The following PTPRD variants were observed in gnomAD, a reference collection of about 807,000 sequenced individuals.
PTPRD encodes the protein protein tyrosine phosphatase receptor type D, also known as receptor-type tyrosine-protein phosphatase delta.
Under a neutral mutation model 214.5 loss-of-function variants are expected in PTPRD, and 34 were observed. That is an observed-to-expected ratio of 0.16 (90% confidence interval 0.12 to 0.21). The LOEUF is 0.21. Among genes scored for constraint, PTPRD ranks in the 10% least tolerant of loss-of-function variants. The pLI, the probability that PTPRD is intolerant of heterozygous loss-of-function variation, is 1.00. For synonymous variants in PTPRD, 1,128 were observed against 845.7 expected, an observed-to-expected ratio of 1.33 and a Z score of -5.79; for missense variants, 2,545 against 2,398.7, an observed-to-expected ratio of 1.06 and a Z score of -1.27.
At chr9:10,310,511 T>C (rs1479263700) in intron 3 of PTPRD, among the ~76,000 whole-genome samples, 3 of 151,798 alleles carry the variant, frequency 2.0e-5, no homozygotes, top group Non-Finnish European at 2.9e-5. Context: ...AGGAAAGAGG[T>C]TGATGAGGAA....
chr9:9,482,022 C>G (rs1456285334), intron 8 of PTPRD, among the ~76,000 whole-genome samples: 1 of 152,084 alleles, frequency 6.6e-6, no homozygotes, highest in Non-Finnish European at 1.5e-5. Context: ...ATGTTCTTAA[C>G]AGTCTCTGGG....
At chr9:10,461,490 C>T (rs1041888301) in intron 2 of PTPRD, among the ~76,000 whole-genome samples, 12 of 151,904 alleles carry the variant, frequency 7.9e-5, no homozygotes, top group Non-Finnish European at 1.6e-4. Context: ...AGTTTATGAA[C>T]ATTATTCAGC....
intron 7 of PTPRD, among the ~76,000 whole-genome samples, chr9:9,684,799 G>A (rs1239909465): frequency 1.3e-5 from 2 of 151,490 alleles, no homozygotes; most frequent in African/African-American, 4.8e-5. Context: ...GGTCTTTAGA[G>A]CAGTGCAAAT....
intron 4 of PTPRD, among the ~76,000 whole-genome samples, chr9:9,941,633 A>G (rs1159438860): frequency 6.6e-6 from 1 of 152,112 alleles, no homozygotes; most frequent in Non-Finnish European, 1.5e-5. Context: ...AAATGTGTAT[A>G]TCTATAATAA....
chr9:8,411,856 C>T (rs1465315547), intron 35 of PTPRD, among the ~76,000 whole-genome samples: 1 of 151,928 alleles, frequency 6.6e-6, no homozygotes, highest in Admixed American at 6.6e-5. Flanking sequence ...AGTTGATGTT[C>T]TTAAGAATAG....
intron 2 of PTPRD, among the ~76,000 whole-genome samples, chr9:10,364,194 G>C (rs765067117): frequency 6.6e-6 from 1 of 151,454 alleles, no homozygotes; most frequent in Non-Finnish European, 1.5e-5. Flanking sequence ...GTAGAGATAG[G>C]GTTTCACCGC....
At chr9:8,849,442 G>A (rs535702489) in intron 11 of PTPRD, among the ~76,000 whole-genome samples, 2 of 152,072 alleles carry the variant, frequency 1.3e-5, no homozygotes, top group South Asian at 2.1e-4. Flanking sequence ...TAGCCAGAAT[G>A]GTCTCGATCT....
intron 3 of PTPRD, among the ~76,000 whole-genome samples, chr9:10,266,822 A>G (rs909893158): frequency 6.6e-6 from 1 of 152,190 alleles, no homozygotes; most frequent in Non-Finnish European, 1.5e-5. Flanking sequence ...AAAGCCCATT[A>G]AGAACATTCT....
At chr9:8,401,413 A>G (rs1338261885) in intron 36 of PTPRD, among the ~76,000 whole-genome samples, 1 of 152,202 alleles carries the variant, frequency 6.6e-6, no homozygotes, top group Non-Finnish European at 1.5e-5. Flanking sequence ...TTCTCTTAAG[A>G]ACTGCTTAAA....
Position 10,348,476 on chromosome 9 carries a change from C to T in PTPRD, c.-599-7459G>A, listed in dbSNP as rs143763253. Among the ~76,000 whole-genome samples the T allele has an allele frequency of 7.9e-3, 1,206 of 152,244 alleles. 6 individuals are homozygous for T. Among genetic ancestry groups the T allele is most frequent in the Non-Finnish European group, 0.01 (709 of 68,018 alleles). ...CTGCCCCTTACGTGGTGCACATCAA[C>T]ACTCAGTCAAAACTCCTTCCCTCTA... On this transcript the variant is annotated intron_variant, in intron 2 of 45. Transcript: ENST00000381196.
chr9:10,281,365 T>A (rs911816881), intron 3 of PTPRD, among the ~76,000 whole-genome samples: 3 of 152,194 alleles, frequency 2.0e-5, no homozygotes, highest in African/African-American at 7.2e-5. Flanking sequence ...TAAGGCTGGC[T>A]CTCACCTTTC....
chr9:10,085,023 T>C (rs377350433), intron 3 of PTPRD, among the ~76,000 whole-genome samples: 10 of 151,900 alleles, frequency 6.6e-5, no homozygotes, highest in South Asian at 2.1e-4. Flanking sequence ...CAATGTCTTT[T>C]AAAGTAAAGG....
rs1475848395 is a variant in PTPRD at position 9,773,832 on chromosome 9, C to T, written c.-367-6981G>A. Among the ~76,000 whole-genome samples, 5 of 152,130 alleles carry T rather than the reference C, an allele frequency of 3.3e-5. No homozygotes were observed. The East Asian group carries it at 9.6e-4, about 29-fold the overall frequency. The stretch of plus-strand genomic sequence containing the variant: ...GCAAGGCCCTTTTGGTATACTCTAC[C>T]CACAGAAATCTTGGGGAAAAAAAAA... On this transcript the variant is annotated intron_variant, in intron 5 of 45. Coordinates refer to ENST00000381196, the MANE Select transcript of PTPRD (RefSeq NM_002839.4).
chr9:10,212,238 G>A (rs1239378120), intron 3 of PTPRD, among the ~76,000 whole-genome samples: 1 of 151,948 alleles, frequency 6.6e-6, no homozygotes, highest in Non-Finnish European at 1.5e-5. Flanking sequence ...GTTTGTGCAA[G>A]CAAAAGAAAG....
intron 3 of PTPRD, among the ~76,000 whole-genome samples, chr9:10,159,808 C>G (rs2099116404): frequency 6.7e-6 from 1 of 149,718 alleles, no homozygotes; most frequent in Non-Finnish European, 1.5e-5. Context: ...AAATACACAG[C>G]TAGAGGGAAA....
chr9:9,523,978 C>T (rs966474567), intron 8 of PTPRD, among the ~76,000 whole-genome samples: 2 of 152,170 alleles, frequency 1.3e-5, no homozygotes, highest in Non-Finnish European at 2.9e-5. Flanking sequence ...GCATTGAATT[C>T]CCTCAGCCAC....
chr9:8,918,620 T>A, intron 11 of PTPRD, among the ~76,000 whole-genome samples: 1 of 152,206 alleles, frequency 6.6e-6, no homozygotes, highest in East Asian at 1.9e-4. Context: ...ACTTGTAGCC[T>A]ATGTTAGAAA....
intron 2 of PTPRD, among the ~76,000 whole-genome samples, chr9:10,597,831 C>G (rs1400099829): frequency 6.6e-6 from 1 of 151,786 alleles, no homozygotes; most frequent in African/African-American, 2.4e-5. Context: ...GTGAATAATT[C>G]TATAGTTTAT....
intron 8 of PTPRD, among the ~76,000 whole-genome samples, chr9:9,560,198 T>C (rs1261451925): frequency 6.6e-6 from 1 of 152,048 alleles, no homozygotes; most frequent in Admixed American, 6.5e-5. Context: ...CTTACTTAAC[T>C]CCCACAACTC....
Sources: gnomAD v4.1 joint callset for allele counts (sites outside exome capture counted in the v4.1 genomes callset) on GRCh38, gnomAD v4.1.1 for gene constraint, MANE v1.5 for transcripts, NCBI Gene and HGNC (gene_info 2026-07-23, HGNC 2026-07-21) for gene names.